GNRHR: variants seen among roughly 807,000 people sequenced by gnomAD.
GNRHR encodes gonadotropin-releasing hormone receptor.
Under a neutral mutation model 28.1 loss-of-function variants are expected in GNRHR, and 14 were observed. That is an observed-to-expected ratio of 0.50 (90% CI 0.33 to 0.78). The LOEUF is 0.78. GNRHR is among the 30% of genes least tolerant of loss of function. The pLI, the probability that GNRHR is intolerant of heterozygous loss-of-function variation, is 0.02. For synonymous variants in GNRHR, 141 were observed against 140.5 expected (o/e 1.00, Z -0.02); for missense variants, 366 against 382.1 (o/e 0.96, Z 0.35).
intron 1 of GNRHR, chr4:67,747,118 A>T (rs1046438521): frequency 6.6e-6 from 1 of 152,122 alleles, no homozygotes; most frequent in Non-Finnish European, 1.5e-5. Flanking sequence ...AGAACCTGAG[A>T]ATCTTATATT....
At chr4:67,751,312 A>G (rs1367599524) in intron 1 of GNRHR, among the ~76,000 whole-genome samples, 1 of 152,208 alleles carries the variant, frequency 6.6e-6, no homozygotes. Flanking sequence ...GCTCTCTTAT[A>G]TATGAAATAG....
At chr4:67,749,407 A>G (rs959664166) in intron 1 of GNRHR, among the ~76,000 whole-genome samples, 1 of 152,176 alleles carries the variant, frequency 6.6e-6, no homozygotes, top group Non-Finnish European at 1.5e-5. Context: ...CAGATAAGCT[A>G]TGAACTCTTT....
Position 67,740,724 on chromosome 4 carries a change from T to A in GNRHR, c.743A>T (p.Glu248Val). 6.2e-7 allele frequency: 1 copy of A among 1,609,944 alleles called. No individual in the cohort carries two copies. The highest frequency in any genetic ancestry group is 8.5e-7 in the Non-Finnish European group (1 of 1,176,198). Residue 248 changes from glutamate (E) to valine (V), a missense_variant and splice_region_variant, in exon 3 of 3, where the codon GAA becomes GTA. Transcript: ENST00000226413. Reference sequence around the variant, plus strand: ...GTTCTTGGACTGATTCAGTTGTAGTTCTGTTGGATAGAGAAAAGAGCAGGT... The same window carrying A: ...GTTCTTGGACTGATTCAGTTGTAGTACTGTTGGATAGAGAAAAGAGCAGGT... ...LTRVLHQDPH[E>V]LQLNQSKNNI...
intron 1 of GNRHR, among the ~76,000 whole-genome samples, chr4:67,748,103 C>T (rs1731794205): frequency 6.6e-6 from 1 of 151,932 alleles, no homozygotes; most frequent in Non-Finnish European, 1.5e-5. Flanking sequence ...TCAGTGTTTG[C>T]TTTATTTTGC....
intron 2 of GNRHR, among the ~76,000 whole-genome samples, chr4:67,744,098 A>G (rs967218492): frequency 6.6e-6 from 1 of 152,246 alleles, no homozygotes; most frequent in African/African-American, 2.4e-5. Flanking sequence ...ATAATCATTT[A>G]CATAGTCAAT....
At chr4:67,748,665 A>G (rs561230398) in intron 1 of GNRHR, among the ~76,000 whole-genome samples, 22 of 151,778 alleles carry the variant, frequency 1.4e-4, no homozygotes, top group Non-Finnish European at 3.1e-4. Flanking sequence ...ATGTATACAT[A>G]TGTAACAAAC....
chr4:67,752,772 G>A (rs895435772), intron 1 of GNRHR, among the ~76,000 whole-genome samples: 4 of 149,416 alleles, frequency 2.7e-5, no homozygotes, highest in Non-Finnish European at 5.9e-5. Flanking sequence ...CTAGTGTCTT[G>A]TGCTATATAG....
At chr4:67,751,295 G>A (rs756760188) in intron 1 of GNRHR, among the ~76,000 whole-genome samples, 8 of 152,160 alleles carry the variant, frequency 5.3e-5, no homozygotes, top group Admixed American at 5.2e-4. Context: ...CATAGGTTTA[G>A]ACCTTAGCTC....
intron 2 of GNRHR, among the ~76,000 whole-genome samples, chr4:67,741,205 A>C (rs1217719192): frequency 6.7e-6 from 1 of 148,396 alleles, no homozygotes; most frequent in Non-Finnish European, 1.5e-5. Context: ...GCCACCCCCA[A>C]CCCTTTCCCC....
intron 1 of GNRHR, among the ~76,000 whole-genome samples, chr4:67,745,112 T>C (rs1197414839): frequency 1.3e-5 from 2 of 152,162 alleles, no homozygotes; most frequent in African/African-American, 2.4e-5. Context: ...GTGATTTTGC[T>C]CATAAGTTAT....
intron 1 of GNRHR, chr4:67,751,859 A>G (rs901978114): frequency 1.3e-5 from 2 of 152,160 alleles, no homozygotes; most frequent in African/African-American, 4.8e-5. Context: ...GTCATGTCCT[A>G]AAGCAAATGA....
rs115856926 is a variant in GNRHR, at chr4:67,748,490, A to T, written c.523-3703T>A. Among the ~76,000 whole-genome samples, 418 of 151,876 alleles carry T rather than the reference A, an allele frequency of 2.8e-3. 3 individuals carry two copies. The highest frequency in any genetic ancestry group is 9.6e-3 in the African/African-American group (397 of 41,452). On this transcript the variant is annotated intron_variant, in intron 1 of 2. Coordinates refer to ENST00000226413, the MANE Select transcript of GNRHR (RefSeq NM_000406.3). ...GTGTATCATATATATTTTTTTCTTG[A>T]TGTGTTTTAAGCATCAGTTTTCACT...
chr4:67,741,851 T>A (rs143587858), intron 2 of GNRHR, among the ~76,000 whole-genome samples: 1 of 152,222 alleles, frequency 6.6e-6, no homozygotes, highest in East Asian at 1.9e-4. Flanking sequence ...TATATCTTCT[T>A]TTGAGAATTG....
intron 2 of GNRHR, among the ~76,000 whole-genome samples, chr4:67,741,055 T>A (rs1347026490): frequency 6.6e-6 from 1 of 152,086 alleles, no homozygotes; most frequent in Non-Finnish European, 1.5e-5. Context: ...AAAAATTATT[T>A]TTTTATTTTA....
rs1731578718 is a variant in GNRHR at position 67,737,878 on chromosome 4, C to A, written c.*2602G>T. 6.6e-6 allele frequency among the ~76,000 whole-genome samples: 1 copy of A among 151,790 alleles called. No homozygotes were observed. Among genetic ancestry groups the A allele is most frequent in the Admixed American group, 6.6e-5 (1 of 15,240 alleles). ...TTCCTTTTTTACAAGGAGTCCTCACCTTTTATTATAATAGGACATAAAATA... is the reference window on the plus strand; with the variant it reads ...TTCCTTTTTTACAAGGAGTCCTCACATTTTATTATAATAGGACATAAAATA... On this transcript the variant is annotated 3_prime_UTR_variant, in exon 3 of 3. Transcript: ENST00000226413.
rs1560520046 is a variant in GNRHR at position 67,753,826 on chromosome 4, A to G, written c.510T>C (p.Phe170=). The change falls in exon 1 of 3, where the codon TTT becomes TTC. Residue 170 remains phenylalanine, a synonymous_variant. Transcript: ENST00000226413. ...VGLAWILSSV[F]AGPQLYIFRM... ...TATAATGGCTTACCTGTGGTCCTGCAAAGACACTACTGAGGATCCAGGCCA... is the reference window on the plus strand; with the variant it reads ...TATAATGGCTTACCTGTGGTCCTGCGAAGACACTACTGAGGATCCAGGCCA... 4 of 1,613,398 alleles carry G rather than the reference A, an allele frequency of 2.5e-6. No individual in the cohort carries two copies. The highest frequency in any genetic ancestry group is 3.4e-6 in the Non-Finnish European group (4 of 1,179,622).
chr4:67,749,330 A>G (rs1313329784), intron 1 of GNRHR, among the ~76,000 whole-genome samples: 1 of 152,172 alleles, frequency 6.6e-6, no homozygotes, highest in Non-Finnish European at 1.5e-5. Context: ...GGTTAACCAT[A>G]GAATTTAAAA....
chr4:67,746,573 T>C (rs1731757567), intron 1 of GNRHR, among the ~76,000 whole-genome samples: 1 of 152,020 alleles, frequency 6.6e-6, no homozygotes, highest in Non-Finnish European at 1.5e-5. Context: ...TGATAGCAAG[T>C]AAATTCAAAC....
intron 2 of GNRHR, among the ~76,000 whole-genome samples, chr4:67,742,543 G>A (rs1232110937): frequency 6.6e-6 from 1 of 152,140 alleles, no homozygotes; most frequent in Non-Finnish European, 1.5e-5. Flanking sequence ...GAAGAAATTT[G>A]CTGGAAATTA....
Sources: gnomAD v4.1 joint callset for allele counts (sites outside exome capture counted in the v4.1 genomes callset) on GRCh38, gnomAD v4.1.1 for gene constraint, MANE v1.5 for transcripts, NCBI Gene and HGNC (gene_info 2026-07-23, HGNC 2026-07-21) for gene names.